ULK4: variants seen among roughly 807,000 people sequenced by gnomAD.
ULK4 encodes the protein inactive serine/threonine-protein kinase ULK4.
A neutral mutation model predicts 160.6 loss-of-function variants in ULK4; 133 were observed. The observed-to-expected ratio is 0.83, with a 90% CI of 0.72 to 0.96. ULK4 has a LOEUF of 0.96. ULK4 is among the 40% of genes least tolerant of loss of function. The pLI, the probability that ULK4 is intolerant of heterozygous loss-of-function variation, is 0.00. For missense variants in ULK4, 1,580 were observed against 1,499.5 expected, an observed-to-expected ratio of 1.05 and a Z score of -0.89; for synonymous variants, 534 against 539.8, an observed-to-expected ratio of 0.99 and a Z score of 0.15.
At chr3:41,902,595 A>T (rs1282539684) in intron 12 of ULK4, among the ~76,000 whole-genome samples, 1 of 151,470 alleles carries the variant, frequency 6.6e-6, no homozygotes, top group African/African-American at 2.4e-5. Flanking sequence ...AAAGAAAAAA[A>T]AAAAAAAGGC....
chr3:41,834,285 T>C (rs2041688816), intron 18 of ULK4, among the ~76,000 whole-genome samples: 1 of 151,986 alleles, frequency 6.6e-6, no homozygotes, highest in South Asian at 2.1e-4. Context: ...TTTTTTTATA[T>C]ATTAATATAT....
At chr3:41,757,342 ACT>A (rs1431820193) in intron 21 of ULK4, among the ~76,000 whole-genome samples, 1 of 151,846 alleles carries the variant, frequency 6.6e-6, no homozygotes, top group Non-Finnish European at 1.5e-5. Context: ...GCTGATAAAA[ACT>A]CTTTTTGGCC....
chr3:41,818,411 A>G (rs975208777), intron 19 of ULK4, among the ~76,000 whole-genome samples: 1 of 152,176 alleles, frequency 6.6e-6, no homozygotes, highest in Non-Finnish European at 1.5e-5. Flanking sequence ...TCTGTGTGTG[A>G]ATAGGAATTT....
intron 30 of ULK4, among the ~76,000 whole-genome samples, chr3:41,618,588 A>G (rs1427710208): frequency 2.0e-5 from 3 of 152,218 alleles, no homozygotes. Flanking sequence ...GGATTTTGTC[A>G]CTACCAGGCC....
intron 34 of ULK4, among the ~76,000 whole-genome samples, chr3:41,399,711 T>G (rs1049229023): frequency 1.3e-5 from 2 of 151,286 alleles, no homozygotes; most frequent in Non-Finnish European, 2.9e-5. Context: ...CTTCAAGCAA[T>G]CCTCCCACCT....
chr3:41,304,367 A>G lies in ULK4; in HGVS notation c.3679-54793T>C, dbSNP rs186553968. 7.9e-5 allele frequency among the ~76,000 whole-genome samples: 12 copies of G among 152,202 alleles called. No homozygotes were observed. The East Asian group carries it at 2.1e-3, about 27-fold the overall frequency. ...AAACAGTGAACAATCTGCCTAGTGT[A>G]TAAGCCACTGAGTATCTCCAAGACA... is the stretch of plus-strand genomic sequence containing the variant. On this transcript the variant is annotated intron_variant, in intron 35 of 36. Transcript: ENST00000301831.
At chr3:41,546,972 C>T (rs889190487) in intron 32 of ULK4, among the ~76,000 whole-genome samples, 6 of 152,110 alleles carry the variant, frequency 3.9e-5, no homozygotes, top group Admixed American at 1.3e-4. Context: ...TCTATGAATA[C>T]GTTCAAAACA....
At chr3:41,880,417 G>T (rs1283417340) in intron 17 of ULK4, among the ~76,000 whole-genome samples, 1 of 152,158 alleles carries the variant, frequency 6.6e-6, no homozygotes. Flanking sequence ...TAAGATGAAA[G>T]AGATTTAAAT....
intron 27 of ULK4, among the ~76,000 whole-genome samples, chr3:41,686,504 T>C (rs1240010148): frequency 6.6e-6 from 1 of 152,170 alleles, no homozygotes; most frequent in Non-Finnish European, 1.5e-5. Flanking sequence ...GTGTAAGATA[T>C]TTAGAGTAAC....
intron 18 of ULK4, among the ~76,000 whole-genome samples, chr3:41,829,044 GA>G (rs1283908881): frequency 2.0e-5 from 3 of 151,226 alleles, no homozygotes; most frequent in African/African-American, 7.3e-5. Flanking sequence ...AAGCAATGGG[GA>G]AAGGATTCCC....
intron 35 of ULK4, among the ~76,000 whole-genome samples, chr3:41,321,537 G>A (rs574280072): frequency 1.3e-5 from 2 of 152,186 alleles, no homozygotes; most frequent in African/African-American, 2.4e-5. Flanking sequence ...AATGTGAGGC[G>A]ACCATCACGT....
intron 34 of ULK4, among the ~76,000 whole-genome samples, chr3:41,429,473 A>G (rs2082853022): frequency 6.6e-6 from 1 of 152,178 alleles, no homozygotes; most frequent in Non-Finnish European, 1.5e-5. Context: ...AGCACTATTC[A>G]CAATAGCAAA....
intron 34 of ULK4, among the ~76,000 whole-genome samples, chr3:41,448,132 T>C (rs375626605): frequency 6.5e-4 from 99 of 152,282 alleles, no homozygotes; most frequent in African/African-American, 2.3e-3. Flanking sequence ...CAAACCGATA[T>C]GGCTCCTGCC....
At chr3:41,407,260 T>C (rs868053236) in intron 34 of ULK4, among the ~76,000 whole-genome samples, 19 of 152,196 alleles carry the variant, frequency 1.2e-4, no homozygotes, top group Non-Finnish European at 2.4e-4. Flanking sequence ...ATGACTTTAC[T>C]GGTGAATTCT....
intron 18 of ULK4, among the ~76,000 whole-genome samples, chr3:41,835,572 T>C (rs977935004): frequency 3.9e-5 from 6 of 152,178 alleles, no homozygotes; most frequent in African/African-American, 1.4e-4. Flanking sequence ...GGCAGCAACC[T>C]TGGGAGTACC....
chr3:41,581,111 A>G (rs1176807291), intron 31 of ULK4, among the ~76,000 whole-genome samples: 1 of 152,138 alleles, frequency 6.6e-6, no homozygotes, highest in Non-Finnish European at 1.5e-5. Flanking sequence ...CAACCCAAGA[A>G]CAATATAAAA....
chr3:41,954,577 T>C (rs748391650), intron 2 of ULK4, 45 bp downstream of exon 2: 2 of 1,584,134 alleles, frequency 1.3e-6, no homozygotes, highest in Non-Finnish European at 8.6e-7. Context: ...TTCTACCTAT[T>C]GTAGCTCTCT....
At chr3:41,485,385 G>C (rs937332) in intron 32 of ULK4, among the ~76,000 whole-genome samples, 2 of 151,956 alleles carry the variant, frequency 1.3e-5, no homozygotes, top group African/African-American at 2.4e-5. Flanking sequence ...GCTTCCCATA[G>C]GAAGTTGAAT....
intron 35 of ULK4, among the ~76,000 whole-genome samples, chr3:41,324,342 A>G (rs2080302820): frequency 6.6e-6 from 1 of 152,224 alleles, no homozygotes; most frequent in African/African-American, 2.4e-5. Flanking sequence ...TGCTTCCTTT[A>G]TGAGATCTTT....
Sources: gnomAD v4.1 joint callset for allele counts (sites outside exome capture counted in the v4.1 genomes callset) on GRCh38, gnomAD v4.1.1 for gene constraint, MANE v1.5 for transcripts, NCBI Gene and HGNC (gene_info 2026-07-23, HGNC 2026-07-21) for gene names.